DPP10: variants seen among roughly 807,000 people sequenced by gnomAD.
The protein encoded by DPP10 is inactive dipeptidyl peptidase 10.
In DPP10, 33 loss-of-function variants were observed where a neutral mutation model predicts 120.9. That is an observed-to-expected ratio of 0.27 (90% CI 0.21 to 0.37). The LOEUF (loss-of-function observed/expected upper bound fraction) is 0.37, where lower values mean the gene tolerates loss of function less well. Ranked by LOEUF, DPP10 falls within the 10% of genes least tolerant of loss-of-function variation. The pLI is 1.00. For synonymous variants in DPP10, 337 were observed against 326.1 expected (o/e 1.03, Z -0.36); for missense variants, 816 against 942.8 (o/e 0.87, Z 1.76).
rs58444943 is a variant in DPP10, at chr2:115,617,272, T to TATATATATATA, written c.442-72415_442-72414insATATATATATA. ...GTATGTATGGGTATATATATATTTTTTATATATATATATATATACACACAT... is the reference window on the plus strand; with the variant it reads ...GTATGTATGGGTATATATATATTTTTATATATATATATATATATATATATATATACACACAT... On this transcript the variant is annotated intron_variant, in intron 5 of 25. Coordinates refer to ENST00000410059, the MANE Select transcript of DPP10 (RefSeq NM_020868.6). 1.4e-3 allele frequency among the ~76,000 whole-genome samples: 194 copies of TATATATATATA among 135,846 alleles called. 2 individuals are homozygous for TATATATATATA. Among genetic ancestry groups the TATATATATATA allele is most frequent in the African/African-American group, 4.8e-3 (174 of 36,362 alleles). The allele number at this position is 135,846 out of a possible 152,430, so 89.1% of individuals were successfully genotyped here.
intron 1 of DPP10, among the ~76,000 whole-genome samples, chr2:114,973,821 G>T (rs1160508147): frequency 6.6e-6 from 1 of 152,042 alleles, no homozygotes; most frequent in African/African-American, 2.4e-5. Context: ...GCAGAAGACC[G>T]TGATGTTGAT....
At chr2:115,237,078 A>T (rs1030001247) in intron 1 of DPP10, among the ~76,000 whole-genome samples, 4 of 152,196 alleles carry the variant, frequency 2.6e-5, no homozygotes, top group African/African-American at 9.7e-5. Flanking sequence ...GCTAAGCTCT[A>T]TACAGACAAA....
At chr2:114,826,062 T>C (rs1267317646) in intron 1 of DPP10, among the ~76,000 whole-genome samples, 2 of 152,182 alleles carry the variant, frequency 1.3e-5, no homozygotes, top group Non-Finnish European at 2.9e-5. Flanking sequence ...CATCTGGAAA[T>C]GGGCAGATCA....
At chr2:115,823,170 G>A (rs1045010397) in intron 21 of DPP10, among the ~76,000 whole-genome samples, 1 of 152,002 alleles carries the variant, frequency 6.6e-6, no homozygotes, top group East Asian at 1.9e-4. Context: ...TTGTAGATGA[G>A]TTTATCTTTC....
intron 5 of DPP10, among the ~76,000 whole-genome samples, chr2:115,561,879 C>T (rs1575183030): frequency 6.6e-6 from 1 of 152,174 alleles, no homozygotes; most frequent in Admixed American, 6.5e-5. Context: ...ACGAACACTT[C>T]CATGGTGTCT....
intron 5 of DPP10, among the ~76,000 whole-genome samples, chr2:115,673,620 C>T (rs149189485): frequency 1.5e-3 from 224 of 152,258 alleles, no homozygotes; most frequent in Admixed American, 2.7e-3. Flanking sequence ...TTCTTAATTC[C>T]TCACTCTGTT....
intron 1 of DPP10, among the ~76,000 whole-genome samples, chr2:114,957,774 A>T (rs936887714): frequency 1.8e-4 from 27 of 152,348 alleles, no homozygotes; most frequent in Non-Finnish European, 3.7e-4. Flanking sequence ...ATATATCCTT[A>T]AAAAAGAAGG....
At chr2:115,811,743 T>G (rs1452092629) in intron 19 of DPP10, among the ~76,000 whole-genome samples, 1 of 152,212 alleles carries the variant, frequency 6.6e-6, no homozygotes, top group Non-Finnish European at 1.5e-5. Context: ...GATTGCACTT[T>G]TTTTATATCC....
At chr2:114,496,425 G>C (rs924178137) in intron 1 of DPP10, among the ~76,000 whole-genome samples, 15 of 152,122 alleles carry the variant, frequency 9.9e-5, no homozygotes, top group Non-Finnish European at 2.2e-4. Context: ...TTACAGTTCT[G>C]AAGGCTGAGA....
intron 5 of DPP10, among the ~76,000 whole-genome samples, chr2:115,659,422 A>T (rs1479967546): frequency 6.6e-6 from 1 of 152,150 alleles, no homozygotes; most frequent in Non-Finnish European, 1.5e-5. Flanking sequence ...AAAGTTTAGA[A>T]TTGAAACTAT....
intron 1 of DPP10, among the ~76,000 whole-genome samples, chr2:114,895,374 G>A (rs1329631902): frequency 1.3e-5 from 2 of 152,178 alleles, no homozygotes; most frequent in Non-Finnish European, 2.9e-5. Flanking sequence ...CACACAGTAG[G>A]ATTTCATTTC....
At chr2:115,489,860 A>G (rs924823042) in intron 3 of DPP10, among the ~76,000 whole-genome samples, 13 of 152,124 alleles carry the variant, frequency 8.5e-5, no homozygotes, top group African/African-American at 3.1e-4. Context: ...TGACAGTCTG[A>G]CAACTTTAAT....
At chr2:114,607,966 T>C (rs539519071) in intron 1 of DPP10, among the ~76,000 whole-genome samples, 1 of 152,304 alleles carries the variant, frequency 6.6e-6, no homozygotes, top group South Asian at 2.1e-4. Context: ...CCTTTATGTA[T>C]TATGACCCCC....
intron 1 of DPP10, among the ~76,000 whole-genome samples, chr2:114,860,755 T>G (rs2106526271): frequency 6.6e-6 from 1 of 152,282 alleles, no homozygotes; most frequent in Non-Finnish European, 1.5e-5. Flanking sequence ...CTCACATCTT[T>G]ATTTTTCCCT....
intron 1 of DPP10, among the ~76,000 whole-genome samples, chr2:114,474,414 C>G (rs1680201219): frequency 6.6e-6 from 1 of 152,170 alleles, no homozygotes; most frequent in African/African-American, 2.4e-5. Context: ...CTTCTTTTTC[C>G]TGGCCAAGTC....
Position 115,372,023 on chromosome 2 carries a change from T to A in DPP10, c.271+28111T>A, listed in dbSNP as rs569630187. ...CTTTATATGCTAATTTTTCTCCTAA[T>A]GATGGTTTTCTATGTAATGTAACAA... is the stretch of plus-strand genomic sequence containing the variant. On this transcript the variant is annotated intron_variant, in intron 3 of 25. Coordinates refer to ENST00000410059, the MANE Select transcript of DPP10 (RefSeq NM_020868.6). Among the ~76,000 whole-genome samples the A allele has an allele frequency of 1.5e-3, 221 of 152,136 alleles. 2 individuals carry two copies. The highest frequency in any genetic ancestry group is 7.5e-4 in the Non-Finnish European group (51 of 68,006).
At chr2:115,724,862 A>G (rs2092728326) in intron 7 of DPP10, among the ~76,000 whole-genome samples, 1 of 152,208 alleles carries the variant, frequency 6.6e-6, no homozygotes, top group Non-Finnish European at 1.5e-5. Flanking sequence ...CAGGCATATC[A>G]CATGGCTAGA....
At chr2:115,118,560 T>G (rs909133986) in intron 1 of DPP10, among the ~76,000 whole-genome samples, 1 of 151,806 alleles carries the variant, frequency 6.6e-6, no homozygotes, top group African/African-American at 2.4e-5. Context: ...TAAAGGCAAG[T>G]TTGTTTTTTT....
intron 5 of DPP10, among the ~76,000 whole-genome samples, chr2:115,646,238 T>C (rs1347712167): frequency 6.6e-6 from 1 of 152,210 alleles, no homozygotes; most frequent in Non-Finnish European, 1.5e-5. Context: ...CTGGCAGTGA[T>C]GGAGATCAGA....
Sources: gnomAD v4.1 joint callset for allele counts (sites outside exome capture counted in the v4.1 genomes callset) on GRCh38, gnomAD v4.1.1 for gene constraint, MANE v1.5 for transcripts, NCBI Gene and HGNC (gene_info 2026-07-23, HGNC 2026-07-21) for gene names.